The following KALRN variants were observed in gnomAD, a reference collection of about 807,000 sequenced individuals.
KALRN encodes kalirin.
KALRN carries 70 observed loss-of-function variants against 353.7 expected under a neutral mutation model. That is an observed-to-expected ratio of 0.20 (90% CI 0.16 to 0.24). KALRN has a LOEUF of 0.24. Among genes scored for constraint, KALRN ranks in the 10% least tolerant of loss-of-function variants. The pLI is 1.00. For synonymous variants in KALRN, 1,391 were observed against 1,434.8 expected, an observed-to-expected ratio of 0.97 and a Z score of 0.69; for missense variants, 2,791 against 3,756.7, an observed-to-expected ratio of 0.74 and a Z score of 6.72.
intron 1 of KALRN, among the ~76,000 whole-genome samples, chr3:124,220,416 GTA>G (rs1050857721): frequency 2.6e-5 from 4 of 151,984 alleles, no homozygotes; most frequent in South Asian, 2.1e-4. Context: ...GTGTGTGTGT[GTA>G]TCTTTCTCTC....
At chr3:124,147,138 A>G (rs144528291) in intron 1 of KALRN, among the ~76,000 whole-genome samples, 85 of 152,280 alleles carry the variant, frequency 5.6e-4, no homozygotes, top group African/African-American at 1.9e-3. Context: ...TATCACAGCT[A>G]GTGAGTGGTG....
intron 1 of KALRN, among the ~76,000 whole-genome samples, chr3:124,141,278 T>G (rs923242094): frequency 1.3e-5 from 2 of 152,168 alleles, no homozygotes; most frequent in African/African-American, 4.8e-5. Context: ...AGCTGATGGT[T>G]TTCATAGCCC....
rs1241536596 is a variant in KALRN, at chr3:124,398,792, T to C, written c.2267T>C (p.Met756Thr). The C allele has an allele frequency of 6.2e-7, 1 of 1,614,008 alleles. No individual in the cohort carries two copies. Among genetic ancestry groups the C allele is most frequent in the Non-Finnish European group, 8.5e-7 (1 of 1,180,030 alleles). ...CAGCTTGATGATGCCCAGGTGCAGA[T>C]GGAGGAGCTGTTCCACGAGCGGAAG... ...LQQLDDAQVQ[M>T]EELFHERKIK... The change falls in exon 13 of 60, where the codon ATG (methionine) becomes ACG (threonine). Residue 756 changes from methionine to threonine, a missense_variant. Physicochemically the swap from Met to Thr is moderately conservative, Grantham distance 81 (BLOSUM62 -1). Coordinates refer to ENST00000682506, the MANE Select transcript of KALRN (RefSeq NM_001388419.1).
intron 1 of KALRN, among the ~76,000 whole-genome samples, chr3:124,049,840 G>T (rs1414173845): frequency 6.6e-6 from 1 of 152,218 alleles, no homozygotes; most frequent in Non-Finnish European, 1.5e-5. Flanking sequence ...ACCCAGATGT[G>T]CAAAGAAACT....
chr3:124,716,549 C>CA (rs970412492), intron 58 of KALRN, among the ~76,000 whole-genome samples: 10 of 151,296 alleles, frequency 6.6e-5, no homozygotes, highest in African/African-American at 1.9e-4. Flanking sequence ...ACAACAACAA[C>CA]AAAAAAAAGG....
rs767967212 is a variant in KALRN at position 124,671,753 on chromosome 3, C to A, written c.6797C>A (p.Pro2266His). 3 of 1,613,986 alleles carry A rather than the reference C, an allele frequency of 1.9e-6. No individual in the cohort carries two copies. Among genetic ancestry groups the A allele is most frequent in the Non-Finnish European group, 2.5e-6 (3 of 1,179,972 alleles). Residue 2266 changes from proline to histidine, a missense_variant, in exon 48 of 60, where the codon CCC becomes CAC. Coordinates refer to ENST00000682506, the MANE Select transcript of KALRN (RefSeq NM_001388419.1). Reference protein sequence around the residue: ...PARLPQASPRPYSSVPAGSEK... With the variant: ...PARLPQASPRHYSSVPAGSEK... ...AGGCTTCCCCAAGCCAGCCCCAGGCCCTACTCCTCTGTTCCTGCGGGCTCA... is the reference window on the plus strand; with the variant it reads ...AGGCTTCCCCAAGCCAGCCCCAGGCACTACTCCTCTGTTCCTGCGGGCTCA...
intron 5 of KALRN, 113 bp from the exon 6 acceptor site, chr3:124,298,678 G>C: frequency 8.3e-7 from 1 of 1,208,884 alleles, no homozygotes; most frequent in Non-Finnish European, 1.2e-6. Flanking sequence ...ACAATAACTG[G>C]TTCTCACTGA....
chr3:124,048,836 T>C (rs925816231), intron 1 of KALRN, among the ~76,000 whole-genome samples: 1 of 152,210 alleles, frequency 6.6e-6, no homozygotes, highest in Non-Finnish European at 1.5e-5. Context: ...TGTGTTACTT[T>C]ATTAAACCAT....
At chr3:124,106,503 G>C (rs1221907356) in intron 1 of KALRN, among the ~76,000 whole-genome samples, 2 of 152,216 alleles carry the variant, frequency 1.3e-5, no homozygotes, top group East Asian at 3.9e-4. Flanking sequence ...GCCTCACCTG[G>C]ATACTCTTAT....
intron 5 of KALRN, among the ~76,000 whole-genome samples, chr3:124,288,108 C>G (rs2149112490): frequency 6.6e-6 from 1 of 152,114 alleles, no homozygotes; most frequent in African/African-American, 2.4e-5. Flanking sequence ...CTCCTGACCT[C>G]AGGTAATCCA....
chr3:124,614,148 A>G (rs1255684484), intron 34 of KALRN, among the ~76,000 whole-genome samples: 2 of 152,214 alleles, frequency 1.3e-5, no homozygotes, highest in Non-Finnish European at 2.9e-5. Flanking sequence ...GCTAAAATGA[A>G]CTTTAAATAG....
At chr3:124,379,298 T>C (rs1321992693) in intron 10 of KALRN, among the ~76,000 whole-genome samples, 3 of 152,178 alleles carry the variant, frequency 2.0e-5, no homozygotes, top group Non-Finnish European at 4.4e-5. Context: ...CATTTTAAAA[T>C]ACTTGTCTGC....
intron 7 of KALRN, among the ~76,000 whole-genome samples, chr3:124,326,620 T>C (rs1332282805): frequency 1.3e-5 from 2 of 152,214 alleles, no homozygotes; most frequent in Admixed American, 1.3e-4. Flanking sequence ...TGGGTCAAGA[T>C]AATAATTACT....
Position 124,477,229 on chromosome 3 carries a change from T to A in KALRN, c.4102-16T>A. Reference sequence around the variant, plus strand: ...ACTAATGAATGCTTATCTATTATTATCTTTGTTCTTTTTAGGCAGACAAAT... The same window carrying A: ...ACTAATGAATGCTTATCTATTATTAACTTTGTTCTTTTTAGGCAGACAAAT... On this transcript the variant is annotated splice_polypyrimidine_tract_variant and intron_variant, in intron 26 of 59. Coordinates refer to ENST00000682506, the MANE Select transcript of KALRN (RefSeq NM_001388419.1). 1.9e-6 allele frequency: 3 copies of A among 1,569,038 alleles called. No individual in the cohort carries two copies. The highest frequency in any genetic ancestry group is 1.1e-5 in the South Asian group (1 of 89,932).
intron 34 of KALRN, among the ~76,000 whole-genome samples, chr3:124,591,760 T>C (rs2075799124): frequency 6.6e-6 from 1 of 152,200 alleles, no homozygotes; most frequent in Non-Finnish European, 1.5e-5. Context: ...CCCAGCTAAA[T>C]ATCTGTAGGT....
At chr3:124,640,151 G>A (rs1382832190) in intron 37 of KALRN, among the ~76,000 whole-genome samples, 6 of 152,160 alleles carry the variant, frequency 3.9e-5, no homozygotes, top group Admixed American at 1.3e-4. Context: ...TGATAGCTGC[G>A]AAGATAGTGA....
At chr3:124,344,701 A>G (rs371442160) in intron 9 of KALRN, among the ~76,000 whole-genome samples, 1 of 152,196 alleles carries the variant, frequency 6.6e-6, no homozygotes, top group Non-Finnish European at 1.5e-5. Flanking sequence ...TTCAATTTTA[A>G]TGGTAGAAAT....
At chr3:124,176,941 A>T (rs890600993) in intron 1 of KALRN, among the ~76,000 whole-genome samples, 2 of 152,132 alleles carry the variant, frequency 1.3e-5, no homozygotes, top group African/African-American at 4.8e-5. Flanking sequence ...TGCAAAGGAG[A>T]CAGCAGATTG....
chr3:124,351,512 A>G (rs1240345853), intron 10 of KALRN, among the ~76,000 whole-genome samples: 2 of 152,204 alleles, frequency 1.3e-5, no homozygotes, highest in African/African-American at 4.8e-5. Flanking sequence ...AAAGACAGCT[A>G]TTACATCTGT....
Sources: gnomAD v4.1 joint callset for allele counts (sites outside exome capture counted in the v4.1 genomes callset) on GRCh38, gnomAD v4.1.1 for gene constraint, MANE v1.5 for transcripts, NCBI Gene and HGNC (gene_info 2026-07-23, HGNC 2026-07-21) for gene names.